The following CCDC93 variants were observed in gnomAD, a reference collection of about 807,000 sequenced individuals.
CCDC93 encodes coiled-coil domain-containing protein 93.
In CCDC93, 61 loss-of-function variants were observed where a neutral mutation model predicts 108.2. That is an observed-to-expected ratio of 0.56 (90% CI 0.46 to 0.70). The LOEUF is 0.70. CCDC93 is among the 30% of genes least tolerant of loss of function. CCDC93 has a pLI of 0.00. For synonymous variants in CCDC93, 276 were observed against 260.4 expected, an observed-to-expected ratio of 1.06 and a Z score of -0.58; for missense variants, 685 against 764.2, an observed-to-expected ratio of 0.90 and a Z score of 1.22.
intron 23 of CCDC93, among the ~76,000 whole-genome samples, chr2:117,928,498 C>T (rs922112144): frequency 1.3e-5 from 2 of 152,186 alleles, no homozygotes; most frequent in African/African-American, 4.8e-5. Flanking sequence ...AGCCAAAAGA[C>T]ACATGAAAAA....
chr2:117,988,125 TATATG>T (rs937889399), intron 6 of CCDC93, among the ~76,000 whole-genome samples: 7 of 151,354 alleles, frequency 4.6e-5, no homozygotes, highest in Admixed American at 2.0e-4. Context: ...GATATATATA[TATATG>T]ATATATGTAT....
intron 4 of CCDC93, chr2:117,998,666 A>C (rs2104819091): frequency 6.6e-6 from 1 of 152,326 alleles, no homozygotes; most frequent in African/African-American, 2.4e-5. Context: ...CACCCAACTG[A>C]CTGCAGAAGA....
chr2:118,013,372 C>CG (rs1677071858), intron 1 of CCDC93, among the ~76,000 whole-genome samples: 1 of 152,234 alleles, frequency 6.6e-6, no homozygotes, highest in African/African-American at 2.4e-5. Flanking sequence ...GCTGACCCAG[C>CG]GGGACACCTC....
At position 117,958,500 on chromosome 2, in the gene CCDC93, G is replaced by A; in HGVS notation, c.889-19C>T. 1.4e-6 allele frequency: 2 copies of A among 1,397,702 alleles called. No individual in the cohort carries two copies. The highest frequency in any genetic ancestry group is 2.0e-6 in the Non-Finnish European group (2 of 982,728). 86.6% of individuals were successfully genotyped at this position (1,397,702 alleles called of 1,614,324 possible). A position where few individuals can be genotyped will look rare whatever the true frequency, so the allele number is the denominator to read the frequency against. On this transcript the variant is annotated intron_variant, in intron 11 of 23. Transcript: ENST00000376300. ...CAGACTGCTGTGGAAAAAAGGGATG[G>A]CAAATCCAAAGGATTTAGTTAGTTG...
intron 8 of CCDC93, among the ~76,000 whole-genome samples, chr2:117,977,177 T>A (rs938540234): frequency 5.3e-5 from 8 of 152,110 alleles, no homozygotes; most frequent in Non-Finnish European, 1.2e-4. Context: ...TGACAATAAC[T>A]GAACTTTTTA....
chr2:117,949,501 T>G, intron 13 of CCDC93, 106 bp from the exon 14 acceptor site: 1 of 838,362 alleles, frequency 1.2e-6, no homozygotes, highest in South Asian at 1.6e-5. Context: ...AAGAAGAAAC[T>G]TAAACTTGGA....
intron 4 of CCDC93, chr2:118,000,592 G>A (rs1457940564): frequency 1.3e-5 from 6 of 455,332 alleles, no homozygotes; most frequent in South Asian, 7.4e-5. Flanking sequence ...AAAGTCAGAT[G>A]AGAACATTCA....
At chr2:117,992,890 C>A (rs1273723757) in intron 6 of CCDC93, among the ~76,000 whole-genome samples, 3 of 151,086 alleles carry the variant, frequency 2.0e-5, no homozygotes, top group African/African-American at 4.9e-5. Context: ...AAAAAAAAAA[C>A]CTCCATTAAA....
intron 22 of CCDC93, among the ~76,000 whole-genome samples, chr2:117,931,985 GACAA>G (rs572583355): frequency 8.5e-5 from 13 of 152,268 alleles, no homozygotes; most frequent in Admixed American, 2.0e-4. Flanking sequence ...CAAGCACCCT[GACAA>G]ACAGACACAC....
At chr2:118,004,966 A>G (rs1371307944) in intron 3 of CCDC93, among the ~76,000 whole-genome samples, 2 of 152,236 alleles carry the variant, frequency 1.3e-5, no homozygotes, top group Non-Finnish European at 2.9e-5. Flanking sequence ...GTCACACTCT[A>G]TAATAAAAAA....
At chr2:117,949,960 A>G (rs1443868384) in intron 13 of CCDC93, 3 of 985,452 alleles carry the variant, frequency 3.0e-6, no homozygotes, top group East Asian at 2.3e-4. Flanking sequence ...GAATAGCCAC[A>G]TAGGCTAGGC....
Position 117,986,084 on chromosome 2 carries a change from C to G in CCDC93, c.520-15G>C. 3 of 1,542,510 alleles carry G rather than the reference C, an allele frequency of 1.9e-6. No homozygotes were observed. Among genetic ancestry groups the G allele is most frequent in the Non-Finnish European group, 2.7e-6 (3 of 1,117,662 alleles). On this transcript the variant is annotated splice_polypyrimidine_tract_variant and intron_variant, in intron 6 of 23. Transcript: ENST00000376300. ...TTGTACACTTCCTAAGTGGATGAGA[C>G]AGCCAAGTTACTGAGTGTGAGAAGG...
At chr2:117,925,467 C>T (rs1678048791) in intron 23 of CCDC93, among the ~76,000 whole-genome samples, 1 of 152,038 alleles carries the variant, frequency 6.6e-6, no homozygotes, top group Non-Finnish European at 1.5e-5. Context: ...GCAGGGGTTG[C>T]AATCCTAGTC....
chr2:117,981,830 G>A (rs111858445), intron 7 of CCDC93, among the ~76,000 whole-genome samples: 43 of 152,208 alleles, frequency 2.8e-4, no homozygotes, highest in African/African-American at 9.6e-4. Flanking sequence ...ATGGATAGTG[G>A]CTACCATACT....
chr2:117,950,472 C>T, intron 13 of CCDC93: 1 of 985,442 alleles, frequency 1.0e-6, no homozygotes, highest in Non-Finnish European at 1.2e-6. Flanking sequence ...CCACAGGTGT[C>T]AGGCACCACT....
chr2:117,941,612 A>G (rs572550321), intron 18 of CCDC93, among the ~76,000 whole-genome samples: 20 of 152,256 alleles, frequency 1.3e-4, no homozygotes, highest in African/African-American at 4.1e-4. Flanking sequence ...GCCCCCAAGG[A>G]GTCTAGAATA....
intron 1 of CCDC93, among the ~76,000 whole-genome samples, chr2:118,009,606 G>C (rs190833486): frequency 2.0e-5 from 3 of 152,094 alleles, no homozygotes; most frequent in Admixed American, 1.3e-4. Context: ...CAGGAGGCGG[G>C]GGTTGCAGTG....
At chr2:117,981,910 T>C (rs527695707) in intron 7 of CCDC93, among the ~76,000 whole-genome samples, 21 of 152,248 alleles carry the variant, frequency 1.4e-4, no homozygotes, top group Non-Finnish European at 2.5e-4. Flanking sequence ...AAGATGGTTA[T>C]CTATTTGGAA....
At chr2:117,963,576 C>T (rs1679460580) in intron 11 of CCDC93, among the ~76,000 whole-genome samples, 1 of 152,130 alleles carries the variant, frequency 6.6e-6, no homozygotes, top group Non-Finnish European at 1.5e-5. Flanking sequence ...AATGAAATTC[C>T]ATGAATTTCA....
Sources: gnomAD v4.1 joint callset for allele counts (sites outside exome capture counted in the v4.1 genomes callset) on GRCh38, gnomAD v4.1.1 for gene constraint, MANE v1.5 for transcripts, NCBI Gene and HGNC (gene_info 2026-07-23, HGNC 2026-07-21) for gene names.